The following MAP4K5 variants were observed in gnomAD, a reference collection of about 807,000 sequenced individuals.
The protein encoded by MAP4K5 is mitogen-activated protein kinase kinase kinase kinase 5, also known as MAPK/ERK kinase kinase kinase 5.
Under a neutral mutation model 135.6 loss-of-function variants are expected in MAP4K5, and 82 were observed. The ratio of observed to expected loss-of-function variants is 0.60; its 90% confidence interval spans 0.51 to 0.73. The LOEUF (loss-of-function observed/expected upper bound fraction) is 0.73, where lower values mean the gene tolerates loss of function less well. Among genes scored for constraint, MAP4K5 ranks in the 30% least tolerant of loss-of-function variants. MAP4K5 has a pLI of 0.00. For synonymous variants in MAP4K5, 347 were observed against 335.0 expected (o/e 1.04, Z -0.39); for missense variants, 907 against 1,010.9 (o/e 0.90, Z 1.39).
intron 2 of MAP4K5, among the ~76,000 whole-genome samples, chr14:50,520,225 G>A (rs975132077): frequency 2.0e-5 from 3 of 152,164 alleles, no homozygotes; most frequent in Admixed American, 6.5e-5. Context: ...TTGGCCGGGC[G>A]TGGTGGCTCA....
chr14:50,531,931 G>A lies in MAP4K5; in HGVS notation c.108+11C>T. 2 of 1,570,180 alleles carry A rather than the reference G, an allele frequency of 1.3e-6. No homozygotes were observed. Among genetic ancestry groups the A allele is most frequent in the South Asian group, 2.3e-5 (2 of 86,586 alleles). The stretch of plus-strand genomic sequence containing the variant: ...CGACCGCAGGAAAAAAGCACGGCCA[G>A]CCTCACTTACCTTATAGACGTCCCC... On this transcript the variant is annotated intron_variant, in intron 2 of 32. Transcript: ENST00000682126.
chr14:50,560,438 T>C, intron 1 of MAP4K5: 2 of 1,174,048 alleles, frequency 1.7e-6, no homozygotes, highest in East Asian at 2.6e-5. Context: ...GCCGAGCCGC[T>C]CCCTGTTTGG....
At chr14:50,454,640 T>TA (rs2036560985) in intron 14 of MAP4K5, among the ~76,000 whole-genome samples, 3 of 152,100 alleles carry the variant, frequency 2.0e-5, no homozygotes, top group Admixed American at 2.0e-4. Flanking sequence ...AACCAGAACT[T>TA]ACTCTATGAG....
chr14:50,424,384 GAGAAC>G (rs2035799018), intron 31 of MAP4K5, among the ~76,000 whole-genome samples: 1 of 152,022 alleles, frequency 6.6e-6, no homozygotes. Flanking sequence ...GTTGAAGGAT[GAGAAC>G]ATAAACTGAA....
At chr14:50,420,765 A>G (rs1360985769) in intron 32 of MAP4K5, among the ~76,000 whole-genome samples, 1 of 152,196 alleles carries the variant, frequency 6.6e-6, no homozygotes, top group Non-Finnish European at 1.5e-5. Context: ...TCTAAGAGAC[A>G]CTCGTCCAAA....
At chr14:50,486,642 T>C (rs546972480) in intron 3 of MAP4K5, among the ~76,000 whole-genome samples, 11 of 152,280 alleles carry the variant, frequency 7.2e-5, no homozygotes, top group African/African-American at 2.4e-4. Flanking sequence ...TAGAAAAAGC[T>C]ACATTAGGCC....
chr14:50,497,217 GT>G (rs1181540349), intron 3 of MAP4K5, among the ~76,000 whole-genome samples: 1 of 152,078 alleles, frequency 6.6e-6, no homozygotes, highest in Non-Finnish European at 1.5e-5. Flanking sequence ...AGTAAATATG[GT>G]TTTTTTCCAT....
chr14:50,444,447 C>G (rs2139717638), intron 18 of MAP4K5, among the ~76,000 whole-genome samples: 1 of 152,238 alleles, frequency 6.6e-6, no homozygotes, highest in South Asian at 2.1e-4. Flanking sequence ...TCACCAAGCC[C>G]TTTAACATCC....
chr14:50,518,169 T>C (rs1405626446), intron 2 of MAP4K5, among the ~76,000 whole-genome samples: 1 of 152,234 alleles, frequency 6.6e-6, no homozygotes, highest in Non-Finnish European at 1.5e-5. Context: ...ATTATTTAAA[T>C]AAGAAGTTAT....
At chr14:50,425,231 C>A (rs879940816) in intron 31 of MAP4K5, among the ~76,000 whole-genome samples, 9 of 152,154 alleles carry the variant, frequency 5.9e-5, no homozygotes, top group Non-Finnish European at 8.8e-5. Flanking sequence ...CTGCATGAGA[C>A]GTAATTATCT....
rs939843746 is a variant in MAP4K5 at position 50,512,171 on chromosome 14, C to CT, written c.109-7315dup. Among the ~76,000 whole-genome samples the CT allele has an allele frequency of 7.7e-4, 117 of 152,176 alleles. 2 individuals carry two copies. The highest frequency in any genetic ancestry group is 2.7e-3 in the African/African-American group (111 of 41,572). The stretch of plus-strand genomic sequence containing the variant: ...GGTTGGCTAAATGTAATTCTATGTA[C>CT]TATGTGCTTTATTACTCTGTAAATC... On this transcript the variant is annotated intron_variant, in intron 2 of 32. Transcript: ENST00000682126.
At chr14:50,546,135 G>GA (rs139159455) in intron 1 of MAP4K5, among the ~76,000 whole-genome samples, 2 of 151,330 alleles carry the variant, frequency 1.3e-5, no homozygotes, top group Non-Finnish European at 3.0e-5. Flanking sequence ...TGAAACTGAA[G>GA]AAAAAAAAGA....
At position 50,551,710 on chromosome 14, in the gene MAP4K5, A is replaced by T. The variant is rs565267346; in HGVS notation, c.-179-9126T>A. On this transcript the variant is annotated intron_variant, in intron 1 of 8. Transcript: ENST00000555216. ...TGGATTTCATACCAGGGATTCAGGG[A>T]TGGTTTAACATATGCAAATCAATAA... is the stretch of plus-strand genomic sequence containing the variant. Among the ~76,000 whole-genome samples, 7 of 152,336 alleles carry T rather than the reference A, an allele frequency of 4.6e-5. No individual in the cohort carries two copies. In the South Asian group the frequency reaches 1.4e-3, roughly 32 times the overall value.
intron 31 of MAP4K5, among the ~76,000 whole-genome samples, chr14:50,424,384 G>A (rs2035798949): frequency 6.6e-6 from 1 of 152,022 alleles, no homozygotes; most frequent in African/African-American, 2.4e-5. Flanking sequence ...GTTGAAGGAT[G>A]AGAACATAAA....
intron 32 of MAP4K5, among the ~76,000 whole-genome samples, chr14:50,421,765 A>G (rs2035738404): frequency 6.6e-6 from 1 of 152,092 alleles, no homozygotes; most frequent in South Asian, 2.1e-4. Flanking sequence ...CTCTGAGCAG[A>G]GTAGGTAGAA....
intron 1 of MAP4K5, among the ~76,000 whole-genome samples, chr14:50,549,870 A>T (rs1157335365): frequency 3.3e-5 from 5 of 152,202 alleles, no homozygotes. Flanking sequence ...TAAAAGAGTT[A>T]CCCACTAACA....
intron 1 of MAP4K5, among the ~76,000 whole-genome samples, chr14:50,552,135 A>G (rs1267765868): frequency 6.6e-6 from 1 of 152,220 alleles, no homozygotes; most frequent in Non-Finnish European, 1.5e-5. Flanking sequence ...CCAAAAATCT[A>G]GACCTGATAA....
At chr14:50,470,327 G>C (rs2036929124) in intron 9 of MAP4K5, among the ~76,000 whole-genome samples, 1 of 152,106 alleles carries the variant, frequency 6.6e-6, no homozygotes. Context: ...TTAGGGAAGA[G>C]TAAAGAAAGC....
intron 3 of MAP4K5, among the ~76,000 whole-genome samples, chr14:50,492,640 T>C (rs1448876103): frequency 1.3e-5 from 2 of 149,724 alleles, no homozygotes; most frequent in Non-Finnish European, 3.0e-5. Flanking sequence ...ACCAACAAAG[T>C]GAAAAAGCAA....
Sources: gnomAD v4.1 joint callset for allele counts (sites outside exome capture counted in the v4.1 genomes callset) on GRCh38, gnomAD v4.1.1 for gene constraint, MANE v1.5 for transcripts, NCBI Gene and HGNC (gene_info 2026-07-23, HGNC 2026-07-21) for gene names.